Variants in OARD1 observed in about 807,000 individuals in gnomAD.
OARD1 encodes the protein O-acyl-ADP-ribose deacylase 1.
Under a neutral mutation model 19.7 loss-of-function variants are expected in OARD1, and 19 were observed. The ratio of observed to expected loss-of-function variants is 0.96; its 90% CI spans 0.67 to 1.41. OARD1 has a LOEUF of 1.41. OARD1 is among the 40% of genes most tolerant of loss of function. The pLI is 0.00. For missense variants in OARD1, 190 were observed against 183.8 expected (o/e 1.03, Z -0.20); for synonymous variants, 70 against 61.8 (o/e 1.13, Z -0.62).
chr6:41,071,275 A>T lies in OARD1; in HGVS notation c.41T>A (p.Ile14Asn), dbSNP rs1763366554. 6.2e-7 allele frequency: 1 copy of T among 1,613,064 alleles called. No homozygotes were observed. Among genetic ancestry groups the T allele is most frequent in the South Asian group, 1.1e-5 (1 of 90,896 alleles). ...SLNEDPEGSR[I>N]TYVKGDLFAC... ...AAAAAGGTCTCCTTTCACATAAGTG[A>T]TCTAAAAAATGTGCAAAGGAAAAGA... Residue 14 changes from isoleucine (I) to asparagine (N), a missense_variant and splice_region_variant, in exon 3 of 6, where the codon ATC (isoleucine) becomes AAC (asparagine). By Grantham distance (149) the Ile-to-Asn change is moderately radical. Coordinates refer to ENST00000424266, the MANE Select transcript of OARD1 (RefSeq NM_001329686.2).
At chr6:41,072,989 T>C (rs1243268706), upstream of OARD1, 1 of 154,884 alleles carries the variant, frequency 6.5e-6, no homozygotes, top group Non-Finnish European at 1.4e-5. Flanking sequence ...GCAGCGGCAG[T>C]GGCGGCGGCA....
chr6:41,074,612 G>A (rs113443255), upstream of OARD1, among the ~76,000 whole-genome samples: 1 of 152,226 alleles, frequency 6.6e-6, no homozygotes. Context: ...AAATTACACT[G>A]TTGGAGGCAG....
At chr6:41,092,708 C>T (rs1764228379) in intron 1 of OARD1, among the ~76,000 whole-genome samples, 1 of 152,130 alleles carries the variant, frequency 6.6e-6, no homozygotes, top group Admixed American at 6.6e-5. Flanking sequence ...GCACCTGAAT[C>T]TCCTATGACA....
intron 1 of OARD1, chr6:41,079,293 G>A (rs1763841882): frequency 1.2e-6 from 1 of 829,208 alleles, no homozygotes; most frequent in Non-Finnish European, 1.9e-6. Context: ...GGGTCTGATG[G>A]CTTGTGCTGA....
At chr6:41,097,070 T>C (rs987110065) in intron 1 of OARD1, among the ~76,000 whole-genome samples, 11 of 152,212 alleles carry the variant, frequency 7.2e-5, no homozygotes, top group African/African-American at 2.7e-4. Flanking sequence ...CCCTTAAGTA[T>C]AGAGAACAAC....
At chr6:41,074,768 A>G (rs1763686946), upstream of OARD1, among the ~76,000 whole-genome samples, 1 of 152,200 alleles carries the variant, frequency 6.6e-6, no homozygotes, top group South Asian at 2.1e-4. Context: ...ATCTAGAGCT[A>G]TATTTTTTCC....
chr6:41,090,136 A>G, intron 1 of OARD1: 1 of 1,052,982 alleles, frequency 9.5e-7, no homozygotes, highest in Non-Finnish European at 1.4e-6. Context: ...TTTTTTTTTA[A>G]GGACTACATC....
chr6:41,067,472 G>GA, intron 5 of OARD1, 35 bp from the exon 6 acceptor site: 1 of 1,416,178 alleles, frequency 7.1e-7, no homozygotes, highest in Non-Finnish European at 1.0e-6. Flanking sequence ...TGATGGTAAC[G>GA]AAAGTATCTA....
chr6:41,089,683 G>A, intron 1 of OARD1: 2 of 1,612,722 alleles, frequency 1.2e-6, no homozygotes, highest in Non-Finnish European at 1.7e-6. Flanking sequence ...AGCAGCCCCA[G>A]ACGGCTGTCA....
intron 1 of OARD1, chr6:41,090,432 A>C: frequency 1.7e-6 from 1 of 587,084 alleles, no homozygotes; most frequent in Non-Finnish European, 3.1e-6. Flanking sequence ...CAAAAAAAAA[A>C]AAGATTTCCT....
intron 5 of OARD1, 118 bp downstream of exon 5, chr6:41,068,723 C>A: frequency 1.7e-6 from 1 of 602,690 alleles, no homozygotes; most frequent in Non-Finnish European, 2.7e-6. Flanking sequence ...AAAATTTTGA[C>A]TTTTGTCCAC....
intron 3 of OARD1, among the ~76,000 whole-genome samples, chr6:41,070,577 C>A (rs563588539): frequency 6.6e-6 from 1 of 152,162 alleles, no homozygotes; most frequent in Non-Finnish European, 1.5e-5. Flanking sequence ...AGTTTTCAAT[C>A]CAGAGAAGAT....
intron 1 of OARD1, chr6:41,097,216 A>T: frequency 1.4e-6 from 1 of 713,294 alleles, no homozygotes; most frequent in Non-Finnish European, 2.5e-6. Flanking sequence ...TAAGCCATGT[A>T]TGCAGACTTA....
chr6:41,089,514 T>C, intron 1 of OARD1: 1 of 1,454,538 alleles, frequency 6.9e-7, no homozygotes, highest in Non-Finnish European at 9.1e-7. Flanking sequence ...TGTGGATAAC[T>C]CTCGGGGACC....
chr6:41,083,230 TGACCTGGCTCCTACA>T (rs1383197034), intron 1 of OARD1, among the ~76,000 whole-genome samples: 1 of 152,206 alleles, frequency 6.6e-6, no homozygotes, highest in Non-Finnish European at 1.5e-5. Context: ...GCACTTGTAG[TGACCTGGCTCCTACA>T]GTAGTCTGTT....
chr6:41,084,303 C>A, intron 1 of OARD1: 2 of 1,256,422 alleles, frequency 1.6e-6, no homozygotes, highest in Non-Finnish European at 2.2e-6. Context: ...TCCTAACCCA[C>A]ATTTTGCATT....
In OARD1 at chr6:41,071,148, T is replaced by C. The variant is rs11556587; in HGVS notation, c.168A>G (p.Gln56=). 60 of 1,614,128 alleles carry C rather than the reference T, an allele frequency of 3.7e-5. No individual in the cohort carries two copies. The highest frequency in any genetic ancestry group is 4.9e-5 in the Non-Finnish European group (58 of 1,180,038). Residue 56 remains glutamine, a synonymous_variant, in exon 3 of 6, where the codon CAA becomes CAG. Transcript: ENST00000424266. ...AAAACTCACGTTGATTTAAAAGTTC[T>C]TGCACCCCTCCAAATTTCTTCTTAA... is the stretch of plus-strand genomic sequence containing the variant. ...VLFKKKFGGV[Q]ELLNQQKKSG... is the part of the protein sequence containing the mutation.
At chr6:41,092,835 G>A in intron 1 of OARD1, 3 of 1,464,510 alleles carry the variant, frequency 2.0e-6, no homozygotes, top group African/African-American at 1.4e-5. Context: ...AAAAAAAATG[G>A]ATGAAGAGGA....
chr6:41,094,511 T>A, intron 1 of OARD1: 1 of 1,593,274 alleles, frequency 6.3e-7, no homozygotes, highest in Non-Finnish European at 8.6e-7. Context: ...GGAAGACATA[T>A]ACATTTTATT....
Sources: gnomAD v4.1 joint callset for allele counts (sites outside exome capture counted in the v4.1 genomes callset) on GRCh38, gnomAD v4.1.1 for gene constraint, MANE v1.5 for transcripts, NCBI Gene and HGNC (gene_info 2026-07-23, HGNC 2026-07-21) for gene names.